Variants in CDH13 observed in about 807,000 individuals in gnomAD.
CDH13 encodes cadherin 13, also known as cadherin-13.
Under a neutral mutation model 63.8 loss-of-function variants are expected in CDH13, and 24 were observed. That is an observed-to-expected ratio of 0.38 (90% CI 0.27 to 0.53). CDH13 has a LOEUF of 0.53. Ranked by LOEUF, CDH13 falls within the 20% of genes least tolerant of loss-of-function variation. The pLI is 0.85. For synonymous variants in CDH13, 503 were observed against 355.3 expected, an observed-to-expected ratio of 1.42 and a Z score of -4.67; for missense variants, 1,049 against 903.1, an observed-to-expected ratio of 1.16 and a Z score of -2.07.
At chr16:82,801,406 A>G (rs2036847306) in intron 1 of CDH13, among the ~76,000 whole-genome samples, 1 of 152,170 alleles carries the variant, frequency 6.6e-6, no homozygotes, top group Non-Finnish European at 1.5e-5. Flanking sequence ...TACTCAGTCT[A>G]ATCCACACTG....
At chr16:83,274,780 C>T (rs1216532918) in intron 5 of CDH13, among the ~76,000 whole-genome samples, 4 of 152,180 alleles carry the variant, frequency 2.6e-5, no homozygotes, top group Non-Finnish European at 5.9e-5. Flanking sequence ...AGATCTACTA[C>T]TAAGAACCTC....
intron 4 of CDH13, among the ~76,000 whole-genome samples, chr16:83,187,144 T>C (rs1247528832): frequency 6.6e-6 from 1 of 152,102 alleles, no homozygotes; most frequent in Non-Finnish European, 1.5e-5. Context: ...CTAATTTTTA[T>C]GTTTTTAGTA....
At chr16:83,524,765 T>C (rs186990429) in intron 7 of CDH13, among the ~76,000 whole-genome samples, 4 of 152,260 alleles carry the variant, frequency 2.6e-5, no homozygotes, top group Admixed American at 2.6e-4. Flanking sequence ...TTGCATGTCT[T>C]AACACCCCCT....
chr16:82,914,652 G>C lies in CDH13; in HGVS notation c.157+56179G>C, dbSNP rs149733406. On this transcript the variant is annotated intron_variant, in intron 2 of 13. Transcript: ENST00000567109. ...TTAAGGCAAATCCTGCTTTCTTGAAGCTTGGTCAGCCCTGGCACAGGCAAA... is the reference window on the plus strand; with the variant it reads ...TTAAGGCAAATCCTGCTTTCTTGAACCTTGGTCAGCCCTGGCACAGGCAAA... Among the ~76,000 whole-genome samples the C allele has an allele frequency of 4.7e-3, 714 of 152,286 alleles. 3 individuals are homozygous for C. The highest frequency in any genetic ancestry group is 7.7e-3 in the Non-Finnish European group (524 of 68,022).
intron 5 of CDH13, among the ~76,000 whole-genome samples, chr16:83,232,131 G>A (rs767031162): frequency 1.4e-5 from 2 of 147,060 alleles, no homozygotes; most frequent in African/African-American, 2.5e-5. Context: ...ATGAAATAAT[G>A]TTTACAACAA....
At chr16:82,777,778 T>C (rs2035565284) in intron 1 of CDH13, among the ~76,000 whole-genome samples, 1 of 152,190 alleles carries the variant, frequency 6.6e-6, no homozygotes, top group African/African-American at 2.4e-5. Flanking sequence ...ATTCATGGGA[T>C]TGCTGGCAGG....
At position 83,541,980 on chromosome 16, in the gene CDH13, A is replaced by G. The variant is rs1160792265; in HGVS notation, c.960+55325A>G. ...AGCATTTGGAAGCAAGTCAATAAAT[A>G]CTAGCTATTATTGCTATTAGTATTA... On this transcript the variant is annotated intron_variant, in intron 7 of 13. Transcript: ENST00000567109. 3.9e-5 allele frequency among the ~76,000 whole-genome samples: 6 copies of G among 152,212 alleles called. No homozygotes were observed. The East Asian group carries it at 7.7e-4, about 20-fold the overall frequency.
In CDH13 at chr16:83,798,847, T is replaced by C. The variant is rs1276871013; in HGVS notation, c.*3817T>C. The C allele has an allele frequency of 6.9e-6, 1 of 145,706 alleles. No homozygotes were observed. The highest frequency in any genetic ancestry group is 1.5e-5 in the Non-Finnish European group (1 of 66,302). The allele number at this position is 145,706 out of a possible 1,614,324, so 9.0% of individuals were successfully genotyped here. A position where few individuals can be genotyped will look rare whatever the true frequency, so the allele number is the denominator to read the frequency against. ...TATTATTAAGTTCATGCTATACTTC[T>C]TCAATCTGAAAGCTTTCTGTTAAAA... On this transcript the variant is annotated 3_prime_UTR_variant, in exon 14 of 14. Coordinates refer to ENST00000567109, the MANE Select transcript of CDH13 (RefSeq NM_001257.5).
At chr16:82,941,220 A>G (rs1165008983) in intron 2 of CDH13, among the ~76,000 whole-genome samples, 6 of 152,220 alleles carry the variant, frequency 3.9e-5, no homozygotes, top group Non-Finnish European at 7.3e-5. Flanking sequence ...TGGGGCTCCT[A>G]TACATAGTTT....
rs551489350 is a variant in CDH13 at position 82,762,555 on chromosome 16, C to T, written c.46-95807C>T. ...CTTTCTACTAATTAGAAGCCAGACT[C>T]TCAGCTTTGCTTCTTGATCTGCACT... is the stretch of plus-strand genomic sequence containing the variant. On this transcript the variant is annotated intron_variant, in intron 1 of 13. Coordinates refer to ENST00000567109, the MANE Select transcript of CDH13 (RefSeq NM_001257.5). Among the ~76,000 whole-genome samples, 7 of 152,288 alleles carry T rather than the reference C, an allele frequency of 4.6e-5. No individual in the cohort carries two copies. In the East Asian group the frequency reaches 1.2e-3, roughly 25 times the overall value.
rs1904312646 is a variant in CDH13 at position 83,800,343 on chromosome 16, T to C, written c.*5313T>C. ...AATTCAGACTATTATTAGAGAGTTA[T>C]ATCTGTGTTGTCATGCACATGTCAA... On this transcript the variant is annotated 3_prime_UTR_variant, in exon 14 of 14. Transcript: ENST00000567109. 6.6e-6 allele frequency: 1 copy of C among 152,236 alleles called. No individual in the cohort carries two copies. Among genetic ancestry groups the C allele is most frequent in the African/African-American group, 2.4e-5 (1 of 41,466 alleles). The allele number at this position is 152,236 out of a possible 1,614,324, so 9.4% of individuals were successfully genotyped here.
intron 1 of CDH13, among the ~76,000 whole-genome samples, chr16:82,679,657 T>A (rs951724252): frequency 1.3e-5 from 2 of 152,162 alleles, no homozygotes; most frequent in Non-Finnish European, 2.9e-5. Context: ...CTGAGAACAT[T>A]GTTTAATCAG....
In CDH13 at chr16:83,624,538, A is replaced by G. The variant is rs7193703; in HGVS notation, c.1101+21944A>G. 9.5e-3 allele frequency among the ~76,000 whole-genome samples: 1,440 copies of G among 152,196 alleles called. 25 individuals are homozygous for G. Among genetic ancestry groups the G allele is most frequent in the African/African-American group, 0.033 (1,370 of 41,518 alleles). ...GGATCCCTCTCATTCCCAGTTCACAATAAGGTTTCCGTTCCTATGAGAATC... is the reference window on the plus strand; with the variant it reads ...GGATCCCTCTCATTCCCAGTTCACAGTAAGGTTTCCGTTCCTATGAGAATC... On this transcript the variant is annotated intron_variant, in intron 8 of 13. Coordinates refer to ENST00000567109, the MANE Select transcript of CDH13 (RefSeq NM_001257.5).
At chr16:82,937,572 T>C (rs2042710629) in intron 2 of CDH13, among the ~76,000 whole-genome samples, 1 of 152,178 alleles carries the variant, frequency 6.6e-6, no homozygotes, top group African/African-American at 2.4e-5. Flanking sequence ...CACACAAAAT[T>C]TGTGACTGAC....
At chr16:83,341,653 A>G (rs17211336) in intron 5 of CDH13, among the ~76,000 whole-genome samples, 17,864 of 152,200 alleles carry the variant, frequency 0.12, 1,287 homozygotes, top group South Asian at 0.17. Flanking sequence ...AGGGACTCAT[A>G]GGAAGAAAAT....
intron 5 of CDH13, among the ~76,000 whole-genome samples, chr16:83,223,410 T>C (rs922389945): frequency 5.3e-5 from 8 of 152,280 alleles, no homozygotes; most frequent in Non-Finnish European, 1.0e-4. Context: ...TCTAATCACC[T>C]CTAAAGGGCC....
intron 10 of CDH13, among the ~76,000 whole-genome samples, chr16:83,701,445 C>T (rs1346701338): frequency 6.6e-6 from 1 of 152,206 alleles, no homozygotes; most frequent in Non-Finnish European, 1.5e-5. Context: ...ATAGAGGCCA[C>T]ATCCGGTCGT....
intron 2 of CDH13, among the ~76,000 whole-genome samples, chr16:82,981,703 A>G (rs1455295157): frequency 6.6e-6 from 1 of 152,188 alleles, no homozygotes; most frequent in Non-Finnish European, 1.5e-5. Flanking sequence ...CTTTCTTGCA[A>G]GTGCTTTTAT....
chr16:82,690,635 T>C (rs16958305), intron 1 of CDH13, among the ~76,000 whole-genome samples: 11,479 of 152,298 alleles, frequency 0.075, 644 homozygotes, highest in East Asian at 0.27. Flanking sequence ...AAGCCTTTCA[T>C]ATAGGTGACC....
Sources: allele counts gnomAD v4.1 joint callset (sites outside exome capture counted in the v4.1 genomes callset), GRCh38; gene constraint gnomAD v4.1.1; transcripts MANE v1.5; gene names NCBI Gene and HGNC (gene_info 2026-07-23, HGNC 2026-07-21).